PLGRKT: variants seen among roughly 807,000 people sequenced by gnomAD.
PLGRKT encodes plasminogen receptor with a C-terminal lysine, also known as plasminogen receptor (KT).
PLGRKT carries 22 observed loss-of-function variants against 18.5 expected under a neutral mutation model. The ratio of observed to expected loss-of-function variants is 1.19; its 90% CI spans 0.85 to 1.70. PLGRKT has a LOEUF of 1.70. PLGRKT is among the 40% of genes most tolerant of loss of function. The pLI is 0.00. For missense variants in PLGRKT, 235 were observed against 174.4 expected (o/e 1.35, Z -1.96); for synonymous variants, 72 against 52.8 (o/e 1.36, Z -1.58).
At position 5,437,869 on chromosome 9, in the gene PLGRKT, G is replaced by T. The variant is rs961669983; in HGVS notation, c.-213C>A. 6.6e-6 allele frequency: 1 copy of T among 152,272 alleles called. No individual in the cohort carries two copies. The allele number at this position is 152,272 out of a possible 1,614,324, so 9.4% of individuals were successfully genotyped here. On this transcript the variant is annotated 5_prime_UTR_variant, in exon 1 of 6. Coordinates refer to ENST00000223864, the MANE Select transcript of PLGRKT (RefSeq NM_018465.4). The stretch of plus-strand genomic sequence containing the variant: ...CTCCTTTCGCCCGCTGCAGGGACCG[G>T]GCCTCGCTCCGCCCAGCGTCGGGAT...
rs185624653 is a variant in PLGRKT at position 5,393,177 on chromosome 9, A to T, written c.82-31289T>A. Among the ~76,000 whole-genome samples the T allele has an allele frequency of 1.0e-3, 152 of 152,020 alleles. 2 individuals carry two copies. The highest frequency in any genetic ancestry group is 6.8e-3 in the Middle Eastern group (2 of 294). On this transcript the variant is annotated intron_variant, in intron 3 of 5. Transcript: ENST00000223864. ...GATTTTAAAAACTATTTGCGACATT[A>T]TAATAAGATGACTTCACCCTGCCAT...
At chr9:5,417,346 G>C (rs1001658595) in intron 3 of PLGRKT, among the ~76,000 whole-genome samples, 14 of 152,054 alleles carry the variant, frequency 9.2e-5, no homozygotes, top group African/African-American at 2.2e-4. Context: ...AGTAAAGTTG[G>C]ACCCTTACTT....
At position 5,381,842 on chromosome 9, in the gene PLGRKT, G is replaced by C. The variant is rs1056097791; in HGVS notation, c.82-19954C>G. ...AAAAATACATAAAGCAAAAACAACA[G>C]ACTAAATTTAACTAACATACCTTCC... On this transcript the variant is annotated intron_variant, in intron 3 of 5. Coordinates refer to ENST00000223864, the MANE Select transcript of PLGRKT (RefSeq NM_018465.4). The C allele has an allele frequency of 1.1e-5, 11 of 973,946 alleles. No individual in the cohort carries two copies. The African/African-American group carries it at 1.9e-4, about 17-fold the overall frequency. 60.3% of individuals were successfully genotyped at this position (973,946 alleles called of 1,614,324 possible). A position where few individuals can be genotyped will look rare whatever the true frequency, so the allele number is the denominator to read the frequency against.
intron 3 of PLGRKT, among the ~76,000 whole-genome samples, chr9:5,395,360 A>G (rs1818024994): frequency 6.6e-6 from 1 of 151,908 alleles, no homozygotes; most frequent in Admixed American, 6.6e-5. Flanking sequence ...ATATTAGTTT[A>G]TTTATAATAA....
upstream of PLGRKT, among the ~76,000 whole-genome samples, chr9:5,438,061 C>A (rs1379216616): frequency 1.3e-5 from 2 of 152,144 alleles, no homozygotes; most frequent in East Asian, 3.8e-4. Context: ...AAAGCCGCGG[C>A]GACTCAGCTG....
intron 4 of PLGRKT, 33 bp downstream of exon 4, chr9:5,361,725 A>G (rs1817268864): frequency 6.3e-7 from 1 of 1,582,230 alleles, no homozygotes; most frequent in Non-Finnish European, 8.6e-7. Flanking sequence ...AAAGAAGTAA[A>G]TGACTGAAGA....
intron 3 of PLGRKT, among the ~76,000 whole-genome samples, chr9:5,369,819 T>G (rs975414681): frequency 6.6e-6 from 1 of 152,136 alleles, no homozygotes; most frequent in African/African-American, 2.4e-5. Flanking sequence ...ACCATCATTC[T>G]CAGCAAACTA....
chr9:5,433,760 T>C (rs1170871180), intron 2 of PLGRKT, among the ~76,000 whole-genome samples: 19 of 113,696 alleles, frequency 1.7e-4, no homozygotes, highest in East Asian at 5.9e-4. Context: ...TTTGCCCGGC[T>C]GCCCCGTCTG....
At chr9:5,424,668 T>TTATATATATATATGTATATATA (rs1818655104) in intron 3 of PLGRKT, among the ~76,000 whole-genome samples, 1 of 113,170 alleles carries the variant, frequency 8.8e-6, no homozygotes, top group African/African-American at 4.1e-5. Flanking sequence ...ATTATATATT[T>TTATATATATATATGTATATATA]TATATATATA....
chr9:5,421,238 TCA>T (rs1161492851), intron 3 of PLGRKT, among the ~76,000 whole-genome samples: 8 of 152,322 alleles, frequency 5.3e-5, no homozygotes, highest in Non-Finnish European at 1.0e-4. Flanking sequence ...GTCTCTGCAT[TCA>T]CTTTCCTTTT....
intron 3 of PLGRKT, among the ~76,000 whole-genome samples, chr9:5,402,449 T>A (rs944567516): frequency 6.6e-6 from 1 of 151,898 alleles, no homozygotes; most frequent in Non-Finnish European, 1.5e-5. Context: ...CCTAAAAGGA[T>A]CTGTGGCTTA....
chr9:5,393,146 T>C (rs953363505), intron 3 of PLGRKT, among the ~76,000 whole-genome samples: 1 of 151,806 alleles, frequency 6.6e-6, no homozygotes, highest in African/African-American at 2.4e-5. Flanking sequence ...CCAGCCAAAA[T>C]TTCTGGATTT....
intron 4 of PLGRKT, 87 bp from the exon 5 acceptor site, chr9:5,361,274 TTTTTGGAAGAATGCC>T: frequency 1.4e-6 from 1 of 699,348 alleles, no homozygotes. Flanking sequence ...AAATACCTGC[TTTTTGGAAGAATGCC>T]TTTTCCTTCA....
At chr9:5,427,321 C>T (rs1366925923) in intron 3 of PLGRKT, among the ~76,000 whole-genome samples, 1 of 151,866 alleles carries the variant, frequency 6.6e-6, no homozygotes, top group Non-Finnish European at 1.5e-5. Context: ...TAACCATAGC[C>T]CCAAAGTAGA....
intron 5 of PLGRKT, among the ~76,000 whole-genome samples, chr9:5,359,202 A>C (rs1817206879): frequency 6.6e-6 from 1 of 151,962 alleles, no homozygotes; most frequent in Admixed American, 6.6e-5. Context: ...AGCTGGGACT[A>C]CAGGTGGTGT....
At chr9:5,385,615 G>A (rs753097877) in intron 3 of PLGRKT, among the ~76,000 whole-genome samples, 1 of 151,708 alleles carries the variant, frequency 6.6e-6, no homozygotes, top group Non-Finnish European at 1.5e-5. Flanking sequence ...CAGTACCTGT[G>A]TGTTTTGGAG....
chr9:5,397,695 C>T (rs146175936), intron 3 of PLGRKT, among the ~76,000 whole-genome samples: 12,208 of 151,794 alleles, frequency 0.08, 709 homozygotes, highest in Non-Finnish European at 0.11. Flanking sequence ...AACACATGCA[C>T]TGTGGCTAAG....
chr9:5,431,515 C>T (rs1818823223), intron 3 of PLGRKT, among the ~76,000 whole-genome samples: 2 of 125,448 alleles, frequency 1.6e-5, no homozygotes, highest in African/African-American at 6.0e-5. Context: ...GGCTGGGCAA[C>T]ACAGTGAGAC....
Position 5,361,132 on chromosome 9 carries a change from T to TA in PLGRKT, c.267dup (p.Ile90TyrfsTer7). The TA allele has an allele frequency of 1.2e-6, 2 of 1,611,712 alleles. No individual in the cohort carries two copies. The highest frequency in any genetic ancestry group is 1.7e-6 in the Non-Finnish European group (2 of 1,178,012). ...CCCAAGTCATACTGGTAGGTGAGGA[T>TA]AAAGCTTAATGGAACAATCGGGACC... is the stretch of plus-strand genomic sequence containing the variant. On this transcript the variant is annotated frameshift_variant, in exon 5 of 6. Coordinates refer to ENST00000223864, the MANE Select transcript of PLGRKT (RefSeq NM_018465.4). LOFTEE classifies it high-confidence loss of function.
Sources: allele counts gnomAD v4.1 joint callset (sites outside exome capture counted in the v4.1 genomes callset), GRCh38; gene constraint gnomAD v4.1.1; transcripts MANE v1.5; gene names NCBI Gene and HGNC (gene_info 2026-07-23, HGNC 2026-07-21).